The following RASSF8 variants were observed in gnomAD, a reference collection of about 807,000 sequenced individuals.
RASSF8 encodes ras association domain-containing protein 8.
A neutral mutation model predicts 48.5 loss-of-function variants in RASSF8; 22 were observed. The observed-to-expected ratio is 0.45, with a 90% CI of 0.32 to 0.65. The LOEUF (loss-of-function observed/expected upper bound fraction) is 0.65. Ranked by LOEUF, RASSF8 falls within the 30% of genes least tolerant of loss-of-function variation. The pLI, the probability that RASSF8 is intolerant of heterozygous loss-of-function variation, is 0.03. For synonymous variants in RASSF8, 127 were observed against 171.5 expected, an observed-to-expected ratio of 0.74 and a Z score of 2.03; for missense variants, 418 against 489.2, an observed-to-expected ratio of 0.85 and a Z score of 1.37.
rs188018997 is a variant in RASSF8 at position 26,021,928 on chromosome 12, A to G, written c.-109+26798A>G. 2.7e-3 allele frequency among the ~76,000 whole-genome samples: 416 copies of G among 152,300 alleles called. 1 individual carries two copies. Among genetic ancestry groups the G allele is most frequent in the Non-Finnish European group, 5.2e-3 (357 of 68,022 alleles). ...AACGAGAGGCTTTGGTGGTAAGCAA[A>G]TAAGAGCCCACTGCTAGCTTCTTTT... On this transcript the variant is annotated intron_variant, in intron 2 of 5. Transcript: ENST00000689635.
chr12:26,077,499 G>C (rs2137357638), downstream of RASSF8, among the ~76,000 whole-genome samples: 1 of 152,208 alleles, frequency 6.6e-6, no homozygotes, highest in South Asian at 2.1e-4. Context: ...AGTTTTCCCA[G>C]CACCATTTAT....
chr12:25,960,399 T>C (rs1384396761), intron 1 of RASSF8, among the ~76,000 whole-genome samples: 2 of 152,014 alleles, frequency 1.3e-5, no homozygotes, highest in Non-Finnish European at 2.9e-5. Flanking sequence ...AGGTGCAGGG[T>C]GGACGCAAAA....
chr12:26,026,507 C>G (rs1458161599), intron 2 of RASSF8, among the ~76,000 whole-genome samples: 1 of 152,144 alleles, frequency 6.6e-6, no homozygotes, highest in African/African-American at 2.4e-5. Flanking sequence ...GTGATCTCAG[C>G]TCACTGCAAC....
Position 26,058,447 on chromosome 12 carries a change from T to C in RASSF8, c.103+3001T>C, listed in dbSNP as rs554548613. Reference sequence around the variant, plus strand: ...CAGAACCACAGGTGGCTGTCAAGAATGTATAGTGAAGCAATTTGTAGACTG... The same window carrying C: ...CAGAACCACAGGTGGCTGTCAAGAACGTATAGTGAAGCAATTTGTAGACTG... On this transcript the variant is annotated intron_variant, in intron 3 of 5. Coordinates refer to ENST00000689635, the MANE Select transcript of RASSF8 (RefSeq NM_001394098.1). Among the ~76,000 whole-genome samples, 6 of 152,332 alleles carry C rather than the reference T, an allele frequency of 3.9e-5. No homozygotes were observed. The East Asian group carries it at 1.2e-3, about 29-fold the overall frequency.
rs185673091 is a variant in RASSF8 at position 26,047,835 on chromosome 12, T to C, written c.-108-7401T>C. ...AGCCACACTGTGAAAGTTTAAGAGT[T>C]TGTAGTACTTACTGACCCTGGGGGG... On this transcript the variant is annotated intron_variant, in intron 2 of 5. Coordinates refer to ENST00000689635, the MANE Select transcript of RASSF8 (RefSeq NM_001394098.1). Among the ~76,000 whole-genome samples, 236 of 152,238 alleles carry C rather than the reference T, an allele frequency of 1.6e-3. 1 individual carries two copies. The highest frequency in any genetic ancestry group is 5.4e-3 in the African/African-American group (224 of 41,548).
Position 25,983,942 on chromosome 12 carries a change from G to A in RASSF8, c.-202-11095G>A, listed in dbSNP as rs773070056. On this transcript the variant is annotated intron_variant, in intron 1 of 5. Coordinates refer to ENST00000689635, the MANE Select transcript of RASSF8 (RefSeq NM_001394098.1). ...TTGAAAATGAATGAACTACCAGTTC[G>A]TGCATCAACAACAGAAAAACAAGTT... 8.5e-5 allele frequency among the ~76,000 whole-genome samples: 13 copies of A among 152,278 alleles called. No individual in the cohort carries two copies. The South Asian group carries it at 1.2e-3, about 15-fold the overall frequency.
At chr12:26,057,820 C>G (rs796932856) in intron 3 of RASSF8, among the ~76,000 whole-genome samples, 17 of 152,304 alleles carry the variant, frequency 1.1e-4, no homozygotes, top group African/African-American at 3.8e-4. Context: ...GATCGCCATT[C>G]CAACTGGTGT....
At chr12:25,998,916 T>C (rs1942193479) in intron 2 of RASSF8, among the ~76,000 whole-genome samples, 2 of 152,204 alleles carry the variant, frequency 1.3e-5, no homozygotes, top group Non-Finnish European at 2.9e-5. Flanking sequence ...ACATCACTCC[T>C]CTCAATGTTT....
chr12:26,026,645 AG>A (rs1333403115), intron 2 of RASSF8, among the ~76,000 whole-genome samples: 2 of 152,166 alleles, frequency 1.3e-5, no homozygotes, highest in Non-Finnish European at 2.9e-5. Context: ...CATGTTGCCC[AG>A]GCTGGTCTTG....
chr12:26,060,810 A>C (rs1042187014), intron 3 of RASSF8, among the ~76,000 whole-genome samples: 27 of 152,204 alleles, frequency 1.8e-4, no homozygotes, highest in African/African-American at 5.5e-4. Context: ...TATCCTCCAT[A>C]GATAAAGAAT....
chr12:26,052,606 G>A (rs1053444976), intron 2 of RASSF8: 3 of 152,206 alleles, frequency 2.0e-5, no homozygotes, highest in African/African-American at 7.2e-5. Context: ...CTACAGTGTA[G>A]GTCTTCCATT....
chr12:25,987,437 G>A (rs1002819468), intron 1 of RASSF8, among the ~76,000 whole-genome samples: 2 of 152,138 alleles, frequency 1.3e-5, no homozygotes, highest in Non-Finnish European at 2.9e-5. Flanking sequence ...CCAAAATTGA[G>A]CCAAAAACTG....
intron 3 of RASSF8, among the ~76,000 whole-genome samples, chr12:26,058,530 G>A (rs747137957): frequency 8.5e-4 from 35 of 41,074 alleles, no homozygotes; most frequent in South Asian, 5.8e-3. Flanking sequence ...ACATGCGCAC[G>A]CGCGCGCGCA....
In RASSF8 at chr12:26,071,644, C is replaced by T; in HGVS notation, c.*2826C>T. The T allele has an allele frequency of 2.0e-6, 2 of 984,790 alleles. No homozygotes were observed. Among genetic ancestry groups the T allele is most frequent in the Non-Finnish European group, 2.4e-6 (2 of 829,580 alleles). The allele number at this position is 984,790 out of a possible 1,614,324, so 61.0% of individuals were successfully genotyped here. A position where few individuals can be genotyped will look rare whatever the true frequency, so the allele number is the denominator to read the frequency against. Reference sequence around the variant, plus strand: ...GGTTTGATAACATTTTGTTTTTTGTCTTGATGCACAGGGACTTTTTTATAA... The same window carrying T: ...GGTTTGATAACATTTTGTTTTTTGTTTTGATGCACAGGGACTTTTTTATAA... On this transcript the variant is annotated 3_prime_UTR_variant, in exon 6 of 6. Transcript: ENST00000689635.
At position 26,069,083 on chromosome 12, in the gene RASSF8, A is replaced by G; in HGVS notation, c.*265A>G. On this transcript the variant is annotated 3_prime_UTR_variant, in exon 6 of 6. Transcript: ENST00000689635. Reference sequence around the variant, plus strand: ...TCGTTTTTATTTGTAGCATTTTGAGAGCTTTAGGAAAGTATTATATAGTGT... The same window carrying G: ...TCGTTTTTATTTGTAGCATTTTGAGGGCTTTAGGAAAGTATTATATAGTGT... The G allele has an allele frequency of 8.8e-7, 1 of 1,130,640 alleles. No individual in the cohort carries two copies. The highest frequency in any genetic ancestry group is 1.1e-6 in the Non-Finnish European group (1 of 918,978). 70.0% of individuals were successfully genotyped at this position (1,130,640 alleles called of 1,614,324 possible).
intron 3 of RASSF8, among the ~76,000 whole-genome samples, chr12:26,056,546 C>T (rs1943607253): frequency 6.6e-6 from 1 of 152,186 alleles, no homozygotes; most frequent in Admixed American, 6.5e-5. Context: ...TCAATTAGCT[C>T]AGCATTGAAA....
chr12:26,054,326 C>T (rs1377941766), intron 2 of RASSF8, among the ~76,000 whole-genome samples: 1 of 152,090 alleles, frequency 6.6e-6, no homozygotes. Flanking sequence ...TTTGGTTTGA[C>T]TATATGACAA....
chr12:26,058,102 A>G (rs1320379964), intron 3 of RASSF8, among the ~76,000 whole-genome samples: 3 of 152,218 alleles, frequency 2.0e-5, no homozygotes, highest in Non-Finnish European at 4.4e-5. Flanking sequence ...TTTTAACTAA[A>G]TCTGCCCTCC....
At chr12:26,060,160 G>A (rs1943709450) in intron 3 of RASSF8, among the ~76,000 whole-genome samples, 1 of 151,676 alleles carries the variant, frequency 6.6e-6, no homozygotes, top group Admixed American at 6.6e-5. Flanking sequence ...GCCTCCCAAA[G>A]TGCTGGGATT....
Sources: allele counts gnomAD v4.1 joint callset (sites outside exome capture counted in the v4.1 genomes callset), GRCh38; gene constraint gnomAD v4.1.1; transcripts MANE v1.5; gene names NCBI Gene and HGNC (gene_info 2026-07-23, HGNC 2026-07-21).